Variants in VWDE observed in about 807,000 individuals in gnomAD.
VWDE encodes von Willebrand factor D and EGF domain-containing protein.
Under a neutral mutation model 178.4 loss-of-function variants are expected in VWDE, and 207 were observed. That is an observed-to-expected ratio of 1.16 (90% CI 1.04 to 1.30). The LOEUF (loss-of-function observed/expected upper bound fraction) is 1.30. Ranked by LOEUF, VWDE falls within the 50% of genes most tolerant of loss-of-function variation. The pLI is 0.00. For missense variants in VWDE, 2,287 were observed against 1,901.3 expected (o/e 1.20, Z -3.77); for synonymous variants, 738 against 651.4 (o/e 1.13, Z -2.02).
chr7:12,396,974 TAA>T (rs1005836047), intron 1 of VWDE, among the ~76,000 whole-genome samples: 1 of 151,568 alleles, frequency 6.6e-6, no homozygotes, highest in Admixed American at 6.6e-5. Flanking sequence ...ATCAATGTCA[TAA>T]AAATGGCCAT....
Position 12,367,475 on chromosome 7 carries a change from G to A in VWDE, c.2780C>T (p.Thr927Ile), listed in dbSNP as rs1374416280. ...ACAGAATCCAGCATTCCCAAGCTCT[G>A]TAATTTCAGGAGCTTTGTCTTTGGA... ...SDSYDKAPEI[T>I]ELGNAGFCDV... The change falls in exon 13 of 29, where the codon ACA becomes ATA. Residue 927 changes from threonine to isoleucine, a missense_variant. Transcript: ENST00000275358. 4.0e-6 allele frequency: 6 copies of A among 1,514,772 alleles called. No homozygotes were observed. Among genetic ancestry groups the A allele is most frequent in the South Asian group, 1.3e-5 (1 of 76,772 alleles). The allele number at this position is 1,514,772 out of a possible 1,614,324, so 93.8% of individuals were successfully genotyped here. A position where few individuals can be genotyped will look rare whatever the true frequency, so the allele number is the denominator to read the frequency against.
intron 2 of VWDE, among the ~76,000 whole-genome samples, chr7:12,392,256 C>G (rs529971689): frequency 3.2e-4 from 49 of 152,080 alleles, no homozygotes; most frequent in Non-Finnish European, 1.0e-4. Context: ...CAATAATGTC[C>G]GCAAGTGCAG....
chr7:12,382,642 A>G (rs915863639), intron 4 of VWDE, among the ~76,000 whole-genome samples: 8 of 151,906 alleles, frequency 5.3e-5, no homozygotes, highest in African/African-American at 9.7e-5. Context: ...GTTCCACCAT[A>G]TAAAACACCT....
chr7:12,380,504 A>T lies in VWDE; in HGVS notation c.771T>A (p.Asn257Lys). The T allele has an allele frequency of 6.4e-7, 1 of 1,551,754 alleles. No homozygotes were observed. The highest frequency in any genetic ancestry group is 8.7e-7 in the Non-Finnish European group (1 of 1,147,006). Residue 257 changes from asparagine to lysine, a missense_variant, in exon 5 of 29, where the codon AAT (asparagine) becomes AAA (lysine). Asn to Lys is a moderately conservative substitution (Grantham distance 94). Coordinates refer to ENST00000275358, the MANE Select transcript of VWDE (RefSeq NM_001135924.3). Reference protein sequence around the residue: ...AFSLLELDGINLRLGDRIFCS... With the variant: ...AFSLLELDGIKLRLGDRIFCS... ...AACATACCCTGTCTCCAAGTCTGAGATTTATGCCATCAAGTTCTAAAAGAG... is the reference window on the plus strand; with the variant it reads ...AACATACCCTGTCTCCAAGTCTGAGTTTTATGCCATCAAGTTCTAAAAGAG...
At chr7:12,397,237 A>G (rs181000103) in intron 1 of VWDE, among the ~76,000 whole-genome samples, 4 of 152,264 alleles carry the variant, frequency 2.6e-5, no homozygotes, top group Admixed American at 1.3e-4. Flanking sequence ...GACCAATGGA[A>G]CAGAATAGAG....
At chr7:12,385,024 A>G (rs1784030161) in intron 3 of VWDE, among the ~76,000 whole-genome samples, 1 of 152,182 alleles carries the variant, frequency 6.6e-6, no homozygotes, top group Non-Finnish European at 1.5e-5. Context: ...ACACATATTC[A>G]TATTTCCATA....
In VWDE at chr7:12,369,895, T is replaced by C. The variant is rs1459498246; in HGVS notation, c.2411A>G (p.Tyr804Cys). 2 of 1,551,380 alleles carry C rather than the reference T, an allele frequency of 1.3e-6. No individual in the cohort carries two copies. The highest frequency in any genetic ancestry group is 1.4e-5 in the African/African-American group (1 of 73,008). Residue 804 changes from tyrosine (Y) to cysteine (C), a missense_variant, in exon 12 of 29, where the codon TAT becomes TGT. Coordinates refer to ENST00000275358, the MANE Select transcript of VWDE (RefSeq NM_001135924.3). Reference protein sequence around the residue: ...SWPTPSGLTEYSTLTLCQETL... With the variant: ...SWPTPSGLTECSTLTLCQETL... ...CTCCTGACAGAGGGTCAAGGTGCTA[T>C]ACTCGGTGAGGCCAGAGGGAGTGGG...
Position 12,337,170 on chromosome 7 carries a change from G to A in VWDE, c.4462+7C>T. ...GTAGTTGACAAATACATTTAGTGAT[G>A]TCTTACTTTTTTGGAATCTCCTACC... On this transcript the variant is annotated splice_region_variant and intron_variant, in intron 25 of 28. Transcript: ENST00000275358. 1.3e-6 allele frequency: 2 copies of A among 1,551,522 alleles called. No individual in the cohort carries two copies. The highest frequency in any genetic ancestry group is 1.7e-6 in the Non-Finnish European group (2 of 1,146,790).
intron 24 of VWDE, 124 bp downstream of exon 24, chr7:12,340,198 A>G: frequency 2.8e-6 from 2 of 713,192 alleles, no homozygotes; most frequent in Non-Finnish European, 4.6e-6. Flanking sequence ...TACTTGAAAC[A>G]TCGCAAGAAT....
At chr7:12,390,676 A>G (rs1441890077) in intron 2 of VWDE, among the ~76,000 whole-genome samples, 1 of 151,786 alleles carries the variant, frequency 6.6e-6, no homozygotes, top group African/African-American at 2.4e-5. Flanking sequence ...CCATTTAAAA[A>G]CTCTAAGACT....
rs1469220717 is a variant in VWDE at position 12,393,783 on chromosome 7, T to C, written c.59-5A>G. 3 of 1,535,026 alleles carry C rather than the reference T, an allele frequency of 2.0e-6. No individual in the cohort carries two copies. Among genetic ancestry groups the C allele is most frequent in the Non-Finnish European group, 2.6e-6 (3 of 1,139,770 alleles). On this transcript the variant is annotated splice_polypyrimidine_tract_variant and splice_region_variant and intron_variant, in intron 1 of 28. Transcript: ENST00000275358. ...CCCCAGGAGAGCACTCCTGAGCTAGTATGGAAAGACAGGTGTTTTTATGTA... is the reference window on the plus strand; with the variant it reads ...CCCCAGGAGAGCACTCCTGAGCTAGCATGGAAAGACAGGTGTTTTTATGTA...
At chr7:12,357,898 A>G (rs925268151) in intron 16 of VWDE, among the ~76,000 whole-genome samples, 1 of 151,774 alleles carries the variant, frequency 6.6e-6, no homozygotes, top group South Asian at 2.1e-4. Flanking sequence ...TTTAAGCCTC[A>G]CTTTCTCCCT....
At chr7:12,339,057 G>A (rs1205444149) in intron 24 of VWDE, among the ~76,000 whole-genome samples, 1 of 151,994 alleles carries the variant, frequency 6.6e-6, no homozygotes, top group Non-Finnish European at 1.5e-5. Flanking sequence ...GATCATACTT[G>A]AAAGCCAGAA....
Position 12,337,192 on chromosome 7 carries a change from T to A in VWDE, c.4447A>T (p.Arg1483Trp). The change falls in exon 25 of 29, where the codon AGG (arginine) becomes TGG (tryptophan). Residue 1483 changes from arginine (R) to tryptophan (W), a missense_variant. By Grantham distance (101) the Arg-to-Trp change is moderately radical. Transcript: ENST00000275358. ...VCVCREGYTG[R>W]RFQKSICDPT... ...GATGTCTTACTTTTTTGGAATCTCC[T>A]ACCAGTGTATCCTTCACGACAGACG... The A allele has an allele frequency of 3.2e-6, 5 of 1,551,884 alleles. No homozygotes were observed. Among genetic ancestry groups the A allele is most frequent in the Non-Finnish European group, 4.4e-6 (5 of 1,146,984 alleles).
chr7:12,376,983 T>C (rs1187054542), intron 7 of VWDE, among the ~76,000 whole-genome samples: 1 of 152,060 alleles, frequency 6.6e-6, no homozygotes, highest in Non-Finnish European at 1.5e-5. Flanking sequence ...ATACCTTGTG[T>C]TTGGTATATT....
At chr7:12,350,411 A>G (rs1448011101) in intron 19 of VWDE, among the ~76,000 whole-genome samples, 2 of 151,536 alleles carry the variant, frequency 1.3e-5, no homozygotes, top group Non-Finnish European at 2.9e-5. Context: ...TGATGCTGAA[A>G]AAGCGTTTGA....
intron 21 of VWDE, 52 bp from the exon 22 acceptor site, chr7:12,343,230 G>T: frequency 1.5e-6 from 2 of 1,312,822 alleles, no homozygotes; most frequent in South Asian, 1.3e-5. Context: ...TAAAAAGTCA[G>T]TTTATATTTA....
At chr7:12,333,403 A>G (rs575689271) in intron 28 of VWDE, 62 bp downstream of exon 28, 2 of 974,126 alleles carry the variant, frequency 2.1e-6, no homozygotes, top group Admixed American at 2.7e-5. Flanking sequence ...ACAATTACTA[A>G]GTAGAAGAGA....
At chr7:12,398,212 G>A (rs928844489) in intron 1 of VWDE, among the ~76,000 whole-genome samples, 5 of 152,070 alleles carry the variant, frequency 3.3e-5, no homozygotes, top group Non-Finnish European at 5.9e-5. Context: ...CCTGAAACTG[G>A]TCCAATTGTC....
Sources: allele counts gnomAD v4.1 joint callset (sites outside exome capture counted in the v4.1 genomes callset), GRCh38; gene constraint gnomAD v4.1.1; transcripts MANE v1.5; gene names NCBI Gene and HGNC (gene_info 2026-07-23, HGNC 2026-07-21).